The following ANKRD11 variants were observed in gnomAD, a reference collection of about 807,000 sequenced individuals.
ANKRD11 encodes ankyrin repeat domain 11.
Under a neutral mutation model 195.7 loss-of-function variants are expected in ANKRD11, and 17 were observed. That is an observed-to-expected ratio of 0.09 (90% confidence interval 0.06 to 0.13). The LOEUF is 0.13. Ranked by LOEUF, ANKRD11 falls within the 10% of genes least tolerant of loss-of-function variation. The probability of loss-of-function intolerance (pLI) is 1.00; values close to 1 mark genes in which losing one functional copy is unlikely to be tolerated. For synonymous variants in ANKRD11, 1,953 were observed against 1,528.1 expected (o/e 1.28, Z -6.49); for missense variants, 3,735 against 3,566.1 (o/e 1.05, Z -1.21).
chr16:89,485,333 A>AC (rs2057574766), intron 1 of ANKRD11, among the ~76,000 whole-genome samples: 1 of 151,842 alleles, frequency 6.6e-6, no homozygotes, highest in Non-Finnish European at 1.5e-5. Flanking sequence ...TAAAAAAAAA[A>AC]AAAAAAAAAC....
rs113752085 is a variant in ANKRD11, at chr16:89,339,355, G to GCAAA, written c.-59-22281_-59-22278dup. Among the ~76,000 whole-genome samples the GCAAA allele has an allele frequency of 5.2e-3, 793 of 152,138 alleles. 9 individuals carry two copies. The highest frequency in any genetic ancestry group is 0.015 in the African/African-American group (611 of 41,456). On this transcript the variant is annotated intron_variant, in intron 2 of 12. Transcript: ENST00000301030. The stretch of plus-strand genomic sequence containing the variant: ...CAGGTTTGCTTGAAGGCTTACACTA[G>GCAAA]CAAACAAACAAACAAACAAACAAAC...
chr16:89,406,880 C>T (rs1432955146), intron 2 of ANKRD11, among the ~76,000 whole-genome samples: 1 of 152,168 alleles, frequency 6.6e-6, no homozygotes, highest in African/African-American at 2.4e-5. Flanking sequence ...GACAAATCAG[C>T]AACATTAAGA....
In ANKRD11 at chr16:89,384,524, AGGATGGGATGGGACTGGGATG is replaced by A. The variant is rs926045669; in HGVS notation, c.-60+33739_-60+33759del. Among the ~76,000 whole-genome samples, 3 of 129,490 alleles carry A rather than the reference AGGATGGGATGGGACTGGGATG, an allele frequency of 2.3e-5. No homozygotes were observed. In the Admixed American group the frequency reaches 2.4e-4, roughly 10 times the overall value. The allele number at this position is 129,490 out of a possible 152,430, so 85.0% of individuals were successfully genotyped here. On this transcript the variant is annotated intron_variant, in intron 2 of 12. Transcript: ENST00000301030. ...GGGACAGGATGGGACGACATGGAAC[AGGATGGGATGGGACTGGGATG>A]GGATGGGATGGGAATGGGACAGGAT...
chr16:89,306,541 G>A, intron 3 of ANKRD11, among the ~76,000 whole-genome samples: 1 of 89,362 alleles, frequency 1.1e-5, no homozygotes, highest in Admixed American at 1.3e-4. Context: ...GCAGACACGC[G>A]CCACTTACCT....
chr16:89,423,953 T>C (rs1464375743), intron 1 of ANKRD11, among the ~76,000 whole-genome samples: 2 of 151,930 alleles, frequency 1.3e-5, no homozygotes, highest in Admixed American at 6.6e-5. Context: ...GAGGACAGGG[T>C]ACAACCTTGT....
In ANKRD11 at chr16:89,293,380, A is replaced by G. The variant is rs576056713; in HGVS notation, c.227-2197T>C. Among the ~76,000 whole-genome samples, 7 of 151,478 alleles carry G rather than the reference A, an allele frequency of 4.6e-5. No individual in the cohort carries two copies. In the South Asian group the frequency reaches 1.2e-3, roughly 27 times the overall value. ...TGCTGCATGTGGCCACTAGGGGTGG[A>G]CACAGGGAGGAGCTGGGGCAGAGTT... On this transcript the variant is annotated intron_variant, in intron 4 of 12. Coordinates refer to ENST00000301030, the MANE Select transcript of ANKRD11 (RefSeq NM_013275.6).
At chr16:89,270,382 C>T (rs12164982) in intron 12 of ANKRD11, 1 of 290,086 alleles carries the variant, frequency 3.4e-6, no homozygotes, top group East Asian at 8.8e-5. Flanking sequence ...GGTGGATCCT[C>T]CAGGGTGTCC....
chr16:89,309,521 C>G (rs1175088094), intron 3 of ANKRD11, among the ~76,000 whole-genome samples: 1 of 152,218 alleles, frequency 6.6e-6, no homozygotes, highest in African/African-American at 2.4e-5. Flanking sequence ...ATTTCTTTTT[C>G]GCTTCCCAGC....
intron 1 of ANKRD11, among the ~76,000 whole-genome samples, chr16:89,483,887 A>C (rs2057523121): frequency 6.6e-6 from 1 of 152,228 alleles, no homozygotes; most frequent in South Asian, 2.1e-4. Flanking sequence ...AAGAACTTCA[A>C]ATTTCAGATA....
At chr16:89,402,901 G>C (rs968046791) in intron 2 of ANKRD11, among the ~76,000 whole-genome samples, 3 of 152,104 alleles carry the variant, frequency 2.0e-5, no homozygotes, top group African/African-American at 4.8e-5. Flanking sequence ...AGCCCCATCA[G>C]GGCCAGCACT....
At chr16:89,326,886 T>A (rs997077046) in intron 2 of ANKRD11, among the ~76,000 whole-genome samples, 3 of 152,180 alleles carry the variant, frequency 2.0e-5, no homozygotes, top group African/African-American at 7.2e-5. Flanking sequence ...TCCGGGCACA[T>A]CTGCACGTGG....
chr16:89,268,699 A>G lies in ANKRD11; in HGVS notation c.7807-36T>C, dbSNP rs1342338411. 32 of 1,558,512 alleles carry G rather than the reference A, an allele frequency of 2.1e-5. No homozygotes were observed. The Admixed American group carries it at 4.9e-4, about 24-fold the overall frequency. Reference sequence around the variant, plus strand: ...CACAGCGGGGAGAGGAGGGAGGAGGAGTGAAGGGAGAGCCCCAGACTCTGC... The same window carrying G: ...CACAGCGGGGAGAGGAGGGAGGAGGGGTGAAGGGAGAGCCCCAGACTCTGC... On this transcript the variant is annotated intron_variant, in intron 12 of 12. Transcript: ENST00000301030.
Position 89,432,059 on chromosome 16 carries a change from C to G in ANKRD11, c.-144-13691G>C, listed in dbSNP as rs187155827. On this transcript the variant is annotated intron_variant, in intron 1 of 12. Transcript: ENST00000301030. ...CAAGAGTGTCTCAGTATTTCTTTAC[C>G]TACATCATCATAACAACTTAATTAT... is the stretch of plus-strand genomic sequence containing the variant. Among the ~76,000 whole-genome samples, 165 of 152,152 alleles carry G rather than the reference C, an allele frequency of 1.1e-3. 7 individuals are homozygous for G. Among genetic ancestry groups the G allele is most frequent in the Admixed American group, 0.011 (165 of 15,274 alleles).
chr16:89,390,543 CAAG>C (rs1051173190), intron 2 of ANKRD11, among the ~76,000 whole-genome samples: 1 of 152,142 alleles, frequency 6.6e-6, no homozygotes, highest in African/African-American at 2.4e-5. Context: ...TCTAGTGATC[CAAG>C]AAGCTCAACA....
At chr16:89,464,755 A>G (rs1233806028) in intron 1 of ANKRD11, among the ~76,000 whole-genome samples, 1 of 151,918 alleles carries the variant, frequency 6.6e-6, no homozygotes, top group Non-Finnish European at 1.5e-5. Flanking sequence ...TCAGACAAAT[A>G]ACTTAAGTTT....
intron 3 of ANKRD11, among the ~76,000 whole-genome samples, chr16:89,311,160 T>G (rs1462784737): frequency 6.6e-6 from 1 of 152,260 alleles, no homozygotes; most frequent in Non-Finnish European, 1.5e-5. Context: ...GATCACATGG[T>G]GTTTTCAGTC....
chr16:89,280,476 A>AGGAGAGGCG lies in ANKRD11; in HGVS notation c.6057_6065dup (p.Ser2021_Ala2023dup), dbSNP rs772203828. On this transcript the variant is annotated inframe_insertion, in exon 9 of 13. Transcript: ENST00000301030. ...CAGCGACGGGCAGAGCGTACGGGGC[A>AGGAGAGGCG]GGAGAGGCGGGAGGGGCGGGGTACG... is the stretch of plus-strand genomic sequence containing the variant. 9.4e-6 allele frequency: 15 copies of AGGAGAGGCG among 1,602,994 alleles called. No homozygotes were observed. Among genetic ancestry groups the AGGAGAGGCG allele is most frequent in the Non-Finnish European group, 1.1e-5 (13 of 1,174,688 alleles).
chr16:89,305,843 C>T (rs1314692365), intron 3 of ANKRD11, among the ~76,000 whole-genome samples: 9 of 122,306 alleles, frequency 7.4e-5, no homozygotes, highest in Non-Finnish European at 1.4e-4. Context: ...TCCGCAGACA[C>T]GCACCACCTC....
At chr16:89,403,720 A>T (rs1037998046) in intron 2 of ANKRD11, 1 of 152,242 alleles carries the variant, frequency 6.6e-6, no homozygotes. Flanking sequence ...ACTTGAGGCC[A>T]TAAGTTTGAG....
Sources: allele counts gnomAD v4.1 joint callset (sites outside exome capture counted in the v4.1 genomes callset), GRCh38; gene constraint gnomAD v4.1.1; transcripts MANE v1.5; gene names NCBI Gene and HGNC (gene_info 2026-07-23, HGNC 2026-07-21).